Variants in CREB5 observed in about 807,000 individuals in gnomAD.
The protein encoded by CREB5 is cyclic AMP-responsive element-binding protein 5.
In CREB5, 19 loss-of-function variants were observed where a neutral mutation model predicts 57.1. The observed-to-expected ratio is 0.33, with a 90% CI of 0.23 to 0.49. CREB5 has a LOEUF of 0.49. CREB5 is among the 20% of genes least tolerant of loss of function. The pLI is 0.99. For missense variants in CREB5, 579 were observed against 671.6 expected (o/e 0.86, Z 1.52); for synonymous variants, 238 against 238.3 (o/e 1.00, Z 0.01).
At chr7:28,792,518 C>G (rs1334711840) in intron 7 of CREB5, among the ~76,000 whole-genome samples, 1 of 152,164 alleles carries the variant, frequency 6.6e-6, no homozygotes, top group Non-Finnish European at 1.5e-5. Context: ...GTTGGAAATG[C>G]TGTGCACTGT....
chr7:28,768,701 C>G (rs552788412), intron 7 of CREB5, among the ~76,000 whole-genome samples: 8 of 152,334 alleles, frequency 5.3e-5, no homozygotes, highest in Non-Finnish European at 8.8e-5. Flanking sequence ...TAAGCACTCA[C>G]TTCCTGACAA....
intron 1 of CREB5, among the ~76,000 whole-genome samples, chr7:28,318,465 C>T (rs1044690903): frequency 1.3e-5 from 2 of 152,206 alleles, no homozygotes; most frequent in Non-Finnish European, 2.9e-5. Context: ...TTACTGCATG[C>T]CTTGAGGCAT....
intron 2 of CREB5, among the ~76,000 whole-genome samples, chr7:28,493,311 G>T (rs1028568988): frequency 1.3e-5 from 2 of 152,202 alleles, no homozygotes; most frequent in Non-Finnish European, 2.9e-5. Flanking sequence ...TGATAAAGCG[G>T]ATATTCTGTT....
At chr7:28,433,159 A>G (rs1055571627) in intron 1 of CREB5, among the ~76,000 whole-genome samples, 1 of 152,138 alleles carries the variant, frequency 6.6e-6, no homozygotes, top group African/African-American at 2.4e-5. Flanking sequence ...CTTTATCTGC[A>G]TCTCTTATTT....
intron 1 of CREB5, among the ~76,000 whole-genome samples, chr7:28,346,239 C>A (rs1021930750): frequency 6.6e-6 from 1 of 152,230 alleles, no homozygotes; most frequent in Non-Finnish European, 1.5e-5. Context: ...GGCTTATAAA[C>A]AACAGACATT....
chr7:28,592,570 C>T (rs1171848994), intron 5 of CREB5, among the ~76,000 whole-genome samples: 2 of 152,138 alleles, frequency 1.3e-5, no homozygotes, highest in Non-Finnish European at 2.9e-5. Context: ...CACCCCCACG[C>T]AGCTGGGATG....
chr7:28,669,236 T>C (rs1183772566), intron 5 of CREB5, among the ~76,000 whole-genome samples: 8 of 152,186 alleles, frequency 5.3e-5, no homozygotes, highest in Admixed American at 5.2e-4. Flanking sequence ...TAGCCAAAAC[T>C]TACAGGGTAC....
intron 6 of CREB5, among the ~76,000 whole-genome samples, chr7:28,722,969 C>T (rs1803124866): frequency 6.6e-6 from 1 of 152,212 alleles, no homozygotes; most frequent in Non-Finnish European, 1.5e-5. Flanking sequence ...GGGAAGAGAC[C>T]TTTAAGGGTC....
intron 7 of CREB5, among the ~76,000 whole-genome samples, chr7:28,748,602 A>AAGTC (rs1458928123): frequency 3.3e-5 from 5 of 152,232 alleles, no homozygotes; most frequent in Non-Finnish European, 7.3e-5. Context: ...AGGTACCTTC[A>AAGTC]TCCTTGAGAA....
Position 28,733,685 on chromosome 7 carries a change from G to T in CREB5, c.702+9353G>T, listed in dbSNP as rs138928710. ...CTGTGTTGTCATTGTCCATGGACCT[G>T]CCTCGCCGCCAGCCTGCAAGCTCCA... On this transcript the variant is annotated intron_variant, in intron 7 of 10. Transcript: ENST00000357727. Among the ~76,000 whole-genome samples the T allele has an allele frequency of 3.0e-3, 458 of 152,240 alleles. 2 individuals are homozygous for T. The highest frequency in any genetic ancestry group is 0.014 in the Middle Eastern group (4 of 294).
At chr7:28,733,443 G>C (rs771414220) in intron 7 of CREB5, among the ~76,000 whole-genome samples, 8 of 152,096 alleles carry the variant, frequency 5.3e-5, no homozygotes, top group Admixed American at 1.3e-4. Context: ...TCAGGAGCCC[G>C]GCATTTTCCT....
intron 4 of CREB5, among the ~76,000 whole-genome samples, chr7:28,537,253 A>C (rs1458393193): frequency 2.0e-5 from 3 of 152,252 alleles, no homozygotes; most frequent in Non-Finnish European, 4.4e-5. Flanking sequence ...GGATTACTGT[A>C]GTGAAGCAAA....
intron 5 of CREB5, among the ~76,000 whole-genome samples, chr7:28,679,253 G>A (rs1411234030): frequency 6.6e-6 from 1 of 152,022 alleles, no homozygotes; most frequent in East Asian, 1.9e-4. Context: ...TGTGCAAAGG[G>A]ACAACATTTT....
chr7:28,538,853 A>G (rs1794089241), intron 4 of CREB5, among the ~76,000 whole-genome samples: 1 of 152,214 alleles, frequency 6.6e-6, no homozygotes, highest in African/African-American at 2.4e-5. Flanking sequence ...TTAACCAATG[A>G]GTTATATAGA....
intron 5 of CREB5, among the ~76,000 whole-genome samples, chr7:28,658,694 A>T (rs1799431269): frequency 6.6e-6 from 1 of 152,066 alleles, no homozygotes; most frequent in South Asian, 2.1e-4. Flanking sequence ...TGGCTTTCTT[A>T]GACTCTGAGC....
intron 5 of CREB5, among the ~76,000 whole-genome samples, chr7:28,653,018 GA>G (rs1190282228): frequency 8.5e-5 from 13 of 152,170 alleles, no homozygotes; most frequent in Admixed American, 8.5e-4. Flanking sequence ...AGACATGAGT[GA>G]AATTAAACTG....
intron 4 of CREB5, among the ~76,000 whole-genome samples, chr7:28,537,339 C>T (rs1316462459): frequency 6.6e-6 from 1 of 151,726 alleles, no homozygotes; most frequent in Non-Finnish European, 1.5e-5. Flanking sequence ...AACTTTACCA[C>T]CAAAACACAA....
chr7:28,815,275 TA>T (rs1174612457), intron 9 of CREB5, among the ~76,000 whole-genome samples: 1 of 152,128 alleles, frequency 6.6e-6, no homozygotes, highest in African/African-American at 2.4e-5. Flanking sequence ...CCTGTCTCTA[TA>T]ACAATAAAAA....
chr7:28,359,079 C>A (rs540343996), intron 1 of CREB5, among the ~76,000 whole-genome samples: 1 of 151,990 alleles, frequency 6.6e-6, no homozygotes, highest in East Asian at 1.9e-4. Context: ...TGAATTTATT[C>A]CCAATTTAAA....
Sources: allele counts gnomAD v4.1 joint callset (sites outside exome capture counted in the v4.1 genomes callset), GRCh38; gene constraint gnomAD v4.1.1; transcripts MANE v1.5; gene names NCBI Gene and HGNC (gene_info 2026-07-23, HGNC 2026-07-21).